LARS2: variants seen among roughly 807,000 people sequenced by gnomAD.
LARS2 encodes leucyl-tRNA synthetase 2, mitochondrial.
A neutral mutation model predicts 116.6 loss-of-function variants in LARS2; 81 were observed. The ratio of observed to expected loss-of-function variants is 0.69; its 90% confidence interval spans 0.58 to 0.84. The LOEUF (loss-of-function observed/expected upper bound fraction) is 0.84. Ranked by LOEUF, LARS2 falls within the 40% of genes least tolerant of loss-of-function variation. LARS2 has a pLI of 0.00. For synonymous variants in LARS2, 396 were observed against 407.2 expected (o/e 0.97, Z 0.33); for missense variants, 968 against 1,114.5 (o/e 0.87, Z 1.87).
intron 14 of LARS2, among the ~76,000 whole-genome samples, chr3:45,499,333 T>C (rs1559488938): frequency 6.6e-6 from 1 of 152,014 alleles, no homozygotes; most frequent in Admixed American, 6.5e-5. Flanking sequence ...TCCCAGCTAC[T>C]CAGGAGGCTG....
chr3:45,458,896 A>C lies in LARS2; in HGVS notation c.750+10A>C, dbSNP rs775540949. On this transcript the variant is annotated intron_variant, in intron 8 of 21. Coordinates refer to ENST00000645846, the MANE Select transcript of LARS2 (RefSeq NM_015340.4). The stretch of plus-strand genomic sequence containing the variant: ...AACCGCTTATGCAAAGGTGAGTGTC[A>C]GCCTGGAGGCTCCCCACTAATGCCT... The C allele has an allele frequency of 1.9e-6, 3 of 1,613,706 alleles. 1 individual carries two copies. In the Admixed American group the frequency reaches 5.0e-5, roughly 27 times the overall value.
At chr3:45,527,753 A>C (rs1006046005) in intron 20 of LARS2, among the ~76,000 whole-genome samples, 18 of 152,208 alleles carry the variant, frequency 1.2e-4, no homozygotes, top group Non-Finnish European at 2.9e-5. Context: ...TGTGTGTTTC[A>C]CAGTGACCTT....
rs1230582444 is a variant in LARS2 at position 45,500,442 on chromosome 3, C to A, written c.1623C>A (p.Ser541Arg). The change falls in exon 15 of 22, where the codon AGC (serine) becomes AGA (arginine). Residue 541 changes from serine to arginine, a missense_variant and splice_region_variant. Physicochemically the swap from Ser to Arg is moderately radical, Grantham distance 110. Transcript: ENST00000645846. The part of the protein sequence containing the change: ...FRYTDPHNPH[S>R]PFNTAVADYW... ...AAATGCCTCCATCTCTTTTTTACAGCCCTTTTAACACAGCAGTGGCCGATT... is the reference window on the plus strand; with the variant it reads ...AAATGCCTCCATCTCTTTTTTACAGACCTTTTAACACAGCAGTGGCCGATT... 3 of 1,594,642 alleles carry A rather than the reference C, an allele frequency of 1.9e-6. No homozygotes were observed. The highest frequency in any genetic ancestry group is 1.2e-5 in the South Asian group (1 of 86,008).
chr3:45,435,448 G>A (rs936789557), intron 6 of LARS2, among the ~76,000 whole-genome samples: 1 of 152,210 alleles, frequency 6.6e-6, no homozygotes, highest in African/African-American at 2.4e-5. Flanking sequence ...TTGCTGGTGG[G>A]ACTGCAGTTT....
chr3:45,502,653 C>T (rs918383218), intron 15 of LARS2, among the ~76,000 whole-genome samples: 3 of 152,198 alleles, frequency 2.0e-5, no homozygotes, highest in East Asian at 1.9e-4. Flanking sequence ...TCAAGTAATC[C>T]GCCTGCCTCG....
intron 13 of LARS2, 127 bp from the exon 14 acceptor site, chr3:45,496,148 C>T (rs1439521768): frequency 1.4e-6 from 1 of 723,440 alleles, no homozygotes; most frequent in Non-Finnish European, 2.3e-6. Flanking sequence ...CGTGAGCCAC[C>T]ACACCCAGCC....
intron 15 of LARS2, among the ~76,000 whole-genome samples, chr3:45,507,375 G>C (rs1700215592): frequency 6.6e-6 from 1 of 152,044 alleles, no homozygotes; most frequent in Non-Finnish European, 1.5e-5. Flanking sequence ...TTTCTGAAAA[G>C]CAGTTTGGCA....
intron 6 of LARS2, among the ~76,000 whole-genome samples, chr3:45,440,981 C>T (rs879757892): frequency 1.1e-4 from 17 of 150,722 alleles, no homozygotes; most frequent in Non-Finnish European, 2.2e-4. Context: ...CTGAGTGGTA[C>T]GGTAATGAAG....
chr3:45,488,213 A>C (rs1699849208), intron 11 of LARS2, among the ~76,000 whole-genome samples: 1 of 152,186 alleles, frequency 6.6e-6, no homozygotes, highest in African/African-American at 2.4e-5. Flanking sequence ...GTGGGCGATC[A>C]CTTGAGGTCA....
chr3:45,471,875 A>G lies in LARS2; in HGVS notation c.751-2368A>G, dbSNP rs576772036. On this transcript the variant is annotated intron_variant, in intron 8 of 21. Coordinates refer to ENST00000645846, the MANE Select transcript of LARS2 (RefSeq NM_015340.4). ...AATTTTATTAGAAGATTAATTGTTT[A>G]TTAACATATTAGTATATAATTAACA... Among the ~76,000 whole-genome samples, 94 of 152,350 alleles carry G rather than the reference A, an allele frequency of 6.2e-4. 1 individual carries two copies. The South Asian group carries it at 0.019, about 31-fold the overall frequency.
chr3:45,510,391 G>T (rs140808241), intron 15 of LARS2, among the ~76,000 whole-genome samples: 7 of 152,116 alleles, frequency 4.6e-5, no homozygotes, highest in African/African-American at 1.4e-4. Context: ...CCCAGCCTGG[G>T]TGACAGAACA....
chr3:45,508,580 C>T (rs1006045149), intron 15 of LARS2, among the ~76,000 whole-genome samples: 8 of 151,968 alleles, frequency 5.3e-5, no homozygotes, highest in African/African-American at 1.9e-4. Flanking sequence ...GATCTATGGC[C>T]TTCAAAGATC....
intron 7 of LARS2, among the ~76,000 whole-genome samples, chr3:45,455,174 T>C (rs1411757622): frequency 6.6e-6 from 1 of 151,774 alleles, no homozygotes; most frequent in Non-Finnish European, 1.5e-5. Context: ...TATTATGATG[T>C]GCAAACCTCT....
intron 20 of LARS2, among the ~76,000 whole-genome samples, chr3:45,534,661 T>A (rs970823343): frequency 2.6e-5 from 4 of 152,216 alleles, no homozygotes; most frequent in Non-Finnish European, 5.9e-5. Flanking sequence ...AATTGAGATC[T>A]ATATCTTAAG....
At chr3:45,498,626 T>G (rs1210025647) in intron 14 of LARS2, among the ~76,000 whole-genome samples, 1 of 152,134 alleles carries the variant, frequency 6.6e-6, no homozygotes, top group Non-Finnish European at 1.5e-5. Context: ...GGGAAAAAGG[T>G]GGCTTGAGGT....
chr3:45,439,624 G>GT (rs11325399), intron 6 of LARS2, among the ~76,000 whole-genome samples: 66,758 of 145,136 alleles, frequency 0.46, 17,354 homozygotes, highest in East Asian at 0.7. Flanking sequence ...ATTTCTAACT[G>GT]TTTTTTTTTT....
intron 19 of LARS2, among the ~76,000 whole-genome samples, chr3:45,520,939 A>T (rs1438839168): frequency 6.6e-6 from 1 of 152,070 alleles, no homozygotes; most frequent in East Asian, 1.9e-4. Context: ...TGTAATCTCA[A>T]CGCTTTGGAA....
At chr3:45,455,379 C>G (rs1699197768) in intron 7 of LARS2, among the ~76,000 whole-genome samples, 2 of 152,136 alleles carry the variant, frequency 1.3e-5, no homozygotes, top group South Asian at 4.2e-4. Context: ...TGCTCTTTTT[C>G]TACCTTTCTT....
At chr3:45,540,280 T>C (rs1276506951) in intron 20 of LARS2, among the ~76,000 whole-genome samples, 1 of 152,180 alleles carries the variant, frequency 6.6e-6, no homozygotes, top group African/African-American at 2.4e-5. Context: ...TTAAAAATGC[T>C]ATCTGGCTGA....
Sources: allele counts gnomAD v4.1 joint callset (sites outside exome capture counted in the v4.1 genomes callset), GRCh38; gene constraint gnomAD v4.1.1; transcripts MANE v1.5; gene names NCBI Gene and HGNC (gene_info 2026-07-23, HGNC 2026-07-21).